Variants in ADAM19 observed in about 807,000 individuals in gnomAD.
The protein encoded by ADAM19 is ADAM metallopeptidase domain 19.
A neutral mutation model predicts 114.7 loss-of-function variants in ADAM19; 65 were observed. The ratio of observed to expected loss-of-function variants is 0.57; its 90% CI spans 0.46 to 0.70. The LOEUF (loss-of-function observed/expected upper bound fraction) is 0.70, where lower values mean the gene tolerates loss of function less well. Ranked by LOEUF, ADAM19 falls within the 30% of genes least tolerant of loss-of-function variation. ADAM19 has a pLI of 0.00. For missense variants in ADAM19, 1,063 were observed against 1,204.7 expected, an observed-to-expected ratio of 0.88 and a Z score of 1.74; for synonymous variants, 466 against 460.5, an observed-to-expected ratio of 1.01 and a Z score of -0.15.
At chr5:157,548,171 C>T (rs1757098990) in intron 3 of ADAM19, among the ~76,000 whole-genome samples, 1 of 152,208 alleles carries the variant, frequency 6.6e-6, no homozygotes, top group Non-Finnish European at 1.5e-5. Context: ...TTTACTTCCT[C>T]CTATCAGACT....
In ADAM19 at chr5:157,490,424, A is replaced by G. The variant is rs368092419; in HGVS notation, c.2126T>C (p.Val709Ala). Residue 709 changes from valine (V) to alanine (A), a missense_variant, in exon 19 of 23, where the codon GTG becomes GCG. By Grantham distance (64) the Val-to-Ala change is moderately conservative. This residue lies in a region of ADAM19 where 424 missense variants were observed against 445.5 expected (regional missense o/e 0.95). Coordinates refer to ENST00000257527, the MANE Select transcript of ADAM19 (RefSeq NM_033274.5). Reference sequence around the variant, plus strand: ...GAGGACCGCCAGCACCAAGATGGCCACCAACACTCCAGCTACCACAGGACC... The same window carrying G: ...GAGGACCGCCAGCACCAAGATGGCCGCCAACACTCCAGCTACCACAGGACC... Reference protein sequence around the residue: ...SVGPVVAGVLVAILVLAVLML... With the variant: ...SVGPVVAGVLAAILVLAVLML... 6.2e-7 allele frequency: 1 copy of G among 1,614,126 alleles called. No homozygotes were observed. The highest frequency in any genetic ancestry group is 8.5e-7 in the Non-Finnish European group (1 of 1,180,030).
At chr5:157,493,405 C>G (rs1755240978) in intron 15 of ADAM19, among the ~76,000 whole-genome samples, 1 of 152,172 alleles carries the variant, frequency 6.6e-6, no homozygotes. Context: ...GACCAGAGAA[C>G]TGGCCTCGAA....
In ADAM19 at chr5:157,496,907, C is replaced by A; in HGVS notation, c.1581G>T (p.Gln527His). Residue 527 changes from glutamine (Q) to histidine (H), a missense_variant, in exon 14 of 23, where the codon CAG (glutamine) becomes CAT (histidine). Gln to His is a conservative substitution (Grantham distance 24). This residue lies in a region of ADAM19 where 615 missense variants were observed against 706.3 expected (regional missense o/e 0.87). Coordinates refer to ENST00000257527, the MANE Select transcript of ADAM19 (RefSeq NM_033274.5). Reference sequence around the variant, plus strand: ...GGAGAGCCTTACCGGGTCCCCACAGCTGCTGGCACTGCTCCTGGTAGGTGA... The same window carrying A: ...GGAGAGCCTTACCGGGTCCCCACAGATGCTGGCACTGCTCCTGGTAGGTGA... ...MCLTYQEQCQQLWGPGARPAP... is the reference protein window; with the variant it reads ...MCLTYQEQCQHLWGPGARPAP... The A allele has an allele frequency of 6.3e-7, 1 of 1,584,204 alleles. No individual in the cohort carries two copies. The highest frequency in any genetic ancestry group is 8.6e-7 in the Non-Finnish European group (1 of 1,166,954).
chr5:157,529,964 T>C (rs1283767079), intron 5 of ADAM19, among the ~76,000 whole-genome samples: 2 of 152,180 alleles, frequency 1.3e-5, no homozygotes, highest in Admixed American at 6.5e-5. Flanking sequence ...CATTTCCTAT[T>C]TCACCACCTC....
intron 3 of ADAM19, among the ~76,000 whole-genome samples, chr5:157,563,471 T>A (rs2113793161): frequency 6.6e-6 from 1 of 152,254 alleles, no homozygotes; most frequent in South Asian, 2.1e-4. Flanking sequence ...TACAGGAAGG[T>A]CCTTCTTCAT....
chr5:157,534,029 T>C (rs746600715), intron 4 of ADAM19, among the ~76,000 whole-genome samples: 4 of 152,142 alleles, frequency 2.6e-5, no homozygotes, highest in Non-Finnish European at 5.9e-5. Context: ...CTGCACCTCT[T>C]CCTATCTTTG....
Position 157,532,254 on chromosome 5 carries a change from C to T in ADAM19, c.331-1371G>A, listed in dbSNP as rs187580771. 1.0e-3 allele frequency among the ~76,000 whole-genome samples: 157 copies of T among 152,314 alleles called. 3 individuals carry two copies. The Middle Eastern group carries it at 0.041, about 40-fold the overall frequency. On this transcript the variant is annotated intron_variant, in intron 4 of 22. Transcript: ENST00000257527. ...CCCTGGAGACACCATAGCCAGCAAA[C>T]GGAGTCACAGCTTCAGCCTTCGTGG...
chr5:157,526,325 G>C (rs1244850812), intron 5 of ADAM19, among the ~76,000 whole-genome samples: 1 of 152,036 alleles, frequency 6.6e-6, no homozygotes, highest in Non-Finnish European at 1.5e-5. Flanking sequence ...ACTTTTTAAA[G>C]CTTACACATT....
Position 157,497,100 on chromosome 5 carries a change from G to A in ADAM19, c.1399-11C>T, listed in dbSNP as rs1378431101. ...CCCAGGAGCCAACAGCTGAGCCAAG[G>A]AATGAGAGGAAAACACAGTCAATCT... On this transcript the variant is annotated splice_polypyrimidine_tract_variant and intron_variant, in intron 13 of 22. Transcript: ENST00000257527. 1.0e-5 allele frequency: 15 copies of A among 1,499,514 alleles called. No individual in the cohort carries two copies. In the South Asian group the frequency reaches 1.9e-4, roughly 19 times the overall value. The allele number at this position is 1,499,514 out of a possible 1,614,324, so 92.9% of individuals were successfully genotyped here.
intron 18 of ADAM19, among the ~76,000 whole-genome samples, 157 bp downstream of exon 18, chr5:157,491,458 C>T (rs1239218657): frequency 6.6e-6 from 1 of 152,250 alleles, no homozygotes. Context: ...TATGAGCAGT[C>T]GCTCCTCTCT....
intron 4 of ADAM19, 88 bp from the exon 5 acceptor site, chr5:157,530,971 G>T: frequency 1.7e-6 from 2 of 1,157,098 alleles, no homozygotes; most frequent in Non-Finnish European, 2.6e-6. Flanking sequence ...GATGACTCAT[G>T]GCTTATTATA....
chr5:157,503,509 C>A (rs762535324), intron 11 of ADAM19, among the ~76,000 whole-genome samples: 3 of 151,020 alleles, frequency 2.0e-5, no homozygotes, highest in Non-Finnish European at 4.4e-5. Flanking sequence ...AAAAAGAATT[C>A]TTTCATCCTT....
intron 21 of ADAM19, among the ~76,000 whole-genome samples, chr5:157,487,369 C>T (rs1435420465): frequency 6.6e-6 from 1 of 152,176 alleles, no homozygotes; most frequent in East Asian, 1.9e-4. Flanking sequence ...CACTGCCACA[C>T]ATCCCAAGGA....
intron 12 of ADAM19, among the ~76,000 whole-genome samples, chr5:157,501,676 G>A (rs1470698639): frequency 6.6e-6 from 1 of 151,154 alleles, no homozygotes. Flanking sequence ...GGCTCATGGT[G>A]GTGGGGGTGG....
Position 157,488,288 on chromosome 5 carries a change from C to CG in ADAM19, c.2526dup (p.Ala843ArgfsTer73), listed in dbSNP as rs769171707. On this transcript the variant is annotated frameshift_variant, in exon 21 of 23. Transcript: ENST00000257527. LOFTEE classifies it high-confidence loss of function. The stretch of plus-strand genomic sequence containing the variant: ...ACCTGGGAAACGATGCAATTTGGTG[C>CG]GGGGGGAATTGGCCGGCTTGGAGGA... The CG allele has an allele frequency of 8.1e-6, 13 of 1,613,770 alleles. No individual in the cohort carries two copies. The highest frequency in any genetic ancestry group is 1.1e-5 in the Non-Finnish European group (13 of 1,179,734).
Position 157,518,713 on chromosome 5 carries a change from A to G in ADAM19, c.666+110T>C, listed in dbSNP as rs1487761869. 4 of 956,880 alleles carry G rather than the reference A, an allele frequency of 4.2e-6. No individual in the cohort carries two copies. In the East Asian group the frequency reaches 9.6e-5, roughly 23 times the overall value. 59.3% of individuals were successfully genotyped at this position (956,880 alleles called of 1,614,324 possible). On this transcript the variant is annotated intron_variant, in intron 7 of 22. Coordinates refer to ENST00000257527, the MANE Select transcript of ADAM19 (RefSeq NM_033274.5). ...GTGAGATTTAAGGTCAAAATCATAG[A>G]TGAACTGGAGAAAGATGAATGGGCA...
intron 2 of ADAM19, among the ~76,000 whole-genome samples, chr5:157,567,525 C>T (rs74295117): frequency 0.092 from 14,007 of 152,230 alleles, 761 homozygotes; most frequent in East Asian, 0.24. Flanking sequence ...AGACCGGGCA[C>T]GGTGGCTCAC....
intron 21 of ADAM19, among the ~76,000 whole-genome samples, chr5:157,485,181 C>T (rs1754895011): frequency 6.6e-6 from 1 of 152,256 alleles, no homozygotes; most frequent in African/African-American, 2.4e-5. Context: ...TTCACTTCAT[C>T]AGCCCTGCCT....
At chr5:157,481,737 C>T (rs1754755917) in intron 22 of ADAM19, 54 bp downstream of exon 22, 4 of 1,552,488 alleles carry the variant, frequency 2.6e-6, no homozygotes, top group Non-Finnish European at 3.5e-6. Flanking sequence ...TACACCTGCC[C>T]CCCTGGAGCC....
Sources: gnomAD v4.1 joint callset for allele counts (sites outside exome capture counted in the v4.1 genomes callset) on GRCh38, gnomAD v4.1.1 for gene constraint, gnomAD v4.1.1 regional missense constraint, MANE v1.5 for transcripts, NCBI Gene and HGNC (gene_info 2026-07-23, HGNC 2026-07-21) for gene names.